The following CCDC171 variants were observed in gnomAD, a reference collection of about 807,000 sequenced individuals.
CCDC171 encodes the protein coiled-coil domain-containing protein 171.
In CCDC171, 177 loss-of-function variants were observed where a neutral mutation model predicts 168.2. That is an observed-to-expected ratio of 1.05 (90% CI 0.93 to 1.19). The LOEUF is 1.19. Ranked by LOEUF, CCDC171 falls within the 50% of genes most tolerant of loss-of-function variation. CCDC171 has a pLI of 0.00. For synonymous variants in CCDC171, 687 were observed against 540.8 expected (o/e 1.27, Z -3.75); for missense variants, 1,991 against 1,539.0 (o/e 1.29, Z -4.91).
At chr9:15,735,522 A>G (rs2054436192) in intron 16 of CCDC171, among the ~76,000 whole-genome samples, 1 of 152,206 alleles carries the variant, frequency 6.6e-6, no homozygotes, top group African/African-American at 2.4e-5. Flanking sequence ...TTTTAGTAAA[A>G]TCAAGTGAGT....
At chr9:15,759,259 G>C (rs1442829513) in intron 18 of CCDC171, among the ~76,000 whole-genome samples, 3 of 152,076 alleles carry the variant, frequency 2.0e-5, no homozygotes, top group African/African-American at 7.2e-5. Context: ...ACATAACAAA[G>C]AACTTTTCTT....
chr9:15,870,265 A>T (rs771292326), intron 23 of CCDC171, among the ~76,000 whole-genome samples: 8 of 151,818 alleles, frequency 5.3e-5, no homozygotes, highest in Non-Finnish European at 1.2e-4. Context: ...AGCAGTAAGG[A>T]ATCAGTGGGA....
chr9:15,943,891 G>C lies in CCDC171; in HGVS notation c.3753+23469G>C, dbSNP rs145318800. On this transcript the variant is annotated intron_variant, in intron 25 of 25. Coordinates refer to ENST00000380701, the MANE Select transcript of CCDC171 (RefSeq NM_173550.4). ...AAGATAAATTTATTGAAATGAGATG[G>C]TTAGGGAATATTTTTAAGAAGTTGT... is the stretch of plus-strand genomic sequence containing the variant. Among the ~76,000 whole-genome samples, 254 of 152,052 alleles carry C rather than the reference G, an allele frequency of 1.7e-3. 2 individuals are homozygous for C. The highest frequency in any genetic ancestry group is 5.7e-3 in the African/African-American group (236 of 41,520).
chr9:15,601,872 A>G (rs570348240), intron 6 of CCDC171, among the ~76,000 whole-genome samples: 2 of 152,338 alleles, frequency 1.3e-5, no homozygotes, highest in Non-Finnish European at 2.9e-5. Flanking sequence ...TATAATTCAA[A>G]GGCCTGTGTA....
At chr9:15,934,389 C>CAAAAAAA (rs71304892) in intron 25 of CCDC171, among the ~76,000 whole-genome samples, 2 of 114,244 alleles carry the variant, frequency 1.8e-5, no homozygotes, top group African/African-American at 3.7e-5. Flanking sequence ...GACCCTGTCT[C>CAAAAAAA]AAAAAAAAAA....
the CCDC171 span, among the ~76,000 whole-genome samples, chr9:16,106,001 C>T: frequency 6.6e-6 from 1 of 152,198 alleles, no homozygotes; most frequent in Non-Finnish European, 1.5e-5. Context: ...CACACCCCAT[C>T]GCAGCCACCC....
At chr9:16,067,855 G>T in the CCDC171 span, among the ~76,000 whole-genome samples, 1 of 152,112 alleles carries the variant, frequency 6.6e-6, no homozygotes, top group African/African-American at 2.4e-5. Flanking sequence ...GTGCTGTTTT[G>T]GTTACTGTAG....
At chr9:15,558,977 C>G (rs943713887) in intron 1 of CCDC171, among the ~76,000 whole-genome samples, 2 of 152,146 alleles carry the variant, frequency 1.3e-5, no homozygotes, top group Admixed American at 1.3e-4. Context: ...TTTCTGCCTT[C>G]ATTTCGTTAT....
intron 8 of CCDC171, among the ~76,000 whole-genome samples, chr9:15,663,446 C>G (rs1380050481): frequency 6.6e-6 from 1 of 151,558 alleles, no homozygotes; most frequent in Non-Finnish European, 1.5e-5. Context: ...CCTCCCATTC[C>G]TCTACCCTCC....
intron 21 of CCDC171, among the ~76,000 whole-genome samples, chr9:15,798,438 T>C (rs916844514): frequency 1.3e-5 from 2 of 152,190 alleles, no homozygotes; most frequent in African/African-American, 4.8e-5. Context: ...TTTAGTTTTT[T>C]AAAATTTTAC....
intron 18 of CCDC171, among the ~76,000 whole-genome samples, chr9:15,772,015 G>A (rs1167954065): frequency 1.3e-5 from 2 of 152,114 alleles, no homozygotes; most frequent in African/African-American, 4.8e-5. Context: ...TGTATTTTTA[G>A]TAGTGACGGG....
intron 8 of CCDC171, among the ~76,000 whole-genome samples, chr9:15,658,348 A>G (rs1386311243): frequency 1.3e-5 from 2 of 152,198 alleles, no homozygotes; most frequent in East Asian, 3.9e-4. Context: ...CTCTGGTGCC[A>G]TATTGGTAGA....
intron 11 of CCDC171, among the ~76,000 whole-genome samples, chr9:15,696,483 A>G (rs1181967894): frequency 6.6e-6 from 1 of 152,226 alleles, no homozygotes; most frequent in East Asian, 1.9e-4. Context: ...AAAAGATATA[A>G]AAGTGTCATA....
intron 3 of CCDC171, among the ~76,000 whole-genome samples, chr9:16,006,824 T>C (rs889097085): frequency 3.3e-5 from 5 of 152,202 alleles, no homozygotes; most frequent in African/African-American, 1.2e-4. Flanking sequence ...CTTAATGCAG[T>C]CTATCATTGT....
In CCDC171 at chr9:15,578,037, T is replaced by C. The variant is rs532207224; in HGVS notation, c.178-812T>C. On this transcript the variant is annotated intron_variant, in intron 3 of 25. Coordinates refer to ENST00000380701, the MANE Select transcript of CCDC171 (RefSeq NM_173550.4). ...ATTTAAATCCCTGCAAAATTGGCACTTTTATTACTTTATGATCAGTGATAT... is the reference window on the plus strand; with the variant it reads ...ATTTAAATCCCTGCAAAATTGGCACCTTTATTACTTTATGATCAGTGATAT... Among the ~76,000 whole-genome samples the C allele has an allele frequency of 7.2e-5, 11 of 152,320 alleles. No individual in the cohort carries two copies. The South Asian group carries it at 2.3e-3, about 32-fold the overall frequency.
At chr9:15,655,675 T>C (rs2047874007) in intron 7 of CCDC171, among the ~76,000 whole-genome samples, 1 of 152,204 alleles carries the variant, frequency 6.6e-6, no homozygotes, top group East Asian at 1.9e-4. Flanking sequence ...AAGGACTTGT[T>C]TTCAGATTGT....
At chr9:16,006,271 A>G (rs1341351595) in intron 3 of CCDC171, among the ~76,000 whole-genome samples, 2 of 152,152 alleles carry the variant, frequency 1.3e-5, no homozygotes, top group East Asian at 3.9e-4. Context: ...TTATCTGACA[A>G]TAACTTTTTA....
At chr9:16,080,891 G>A in the CCDC171 span, among the ~76,000 whole-genome samples, 3 of 152,112 alleles carry the variant, frequency 2.0e-5, no homozygotes, top group Admixed American at 6.5e-5. Context: ...TACTGCTTCT[G>A]TTTTTGCTGA....
At chr9:15,739,740 A>T (rs967174037) in intron 16 of CCDC171, among the ~76,000 whole-genome samples, 1 of 146,226 alleles carries the variant, frequency 6.8e-6, no homozygotes, top group East Asian at 2.0e-4. Context: ...TGTAATACCA[A>T]TTTTTTTTTT....
Sources: allele counts gnomAD v4.1 joint callset (sites outside exome capture counted in the v4.1 genomes callset), GRCh38; gene constraint gnomAD v4.1.1; transcripts MANE v1.5; gene names NCBI Gene and HGNC (gene_info 2026-07-23, HGNC 2026-07-21).